Variants in HS3ST3B1 observed in about 807,000 individuals in gnomAD.
The protein encoded by HS3ST3B1 is heparan sulfate-glucosamine 3-sulfotransferase 3B1.
In HS3ST3B1, 13 loss-of-function variants were observed where a neutral mutation model predicts 21.3. The ratio of observed to expected loss-of-function variants is 0.61; its 90% CI spans 0.40 to 0.97. The LOEUF (loss-of-function observed/expected upper bound fraction) is 0.97. HS3ST3B1 is among the 50% of genes least tolerant of loss of function. HS3ST3B1 has a pLI of 0.00. For synonymous variants in HS3ST3B1, 234 were observed against 254.8 expected (o/e 0.92, Z 0.78); for missense variants, 459 against 554.8 (o/e 0.83, Z 1.73).
At chr17:14,328,085 C>T (rs944362447) in intron 1 of HS3ST3B1, 7 of 152,108 alleles carry the variant, frequency 4.6e-5, no homozygotes, top group African/African-American at 7.2e-5. Flanking sequence ...GGGAGATGAA[C>T]GGGAATGCTT....
chr17:14,333,919 C>A (rs764575189), intron 1 of HS3ST3B1, among the ~76,000 whole-genome samples: 2 of 152,212 alleles, frequency 1.3e-5, no homozygotes, highest in Non-Finnish European at 2.9e-5. Flanking sequence ...TGTGCCACCA[C>A]GACCAGCTAA....
chr17:14,343,330 T>G (rs1910448238), intron 1 of HS3ST3B1, among the ~76,000 whole-genome samples: 1 of 152,142 alleles, frequency 6.6e-6, no homozygotes, highest in African/African-American at 2.4e-5. Context: ...TTGTGTGTGG[T>G]AAGAAACTGG....
At chr17:14,338,406 G>A (rs1160239364) in intron 1 of HS3ST3B1, among the ~76,000 whole-genome samples, 1 of 151,584 alleles carries the variant, frequency 6.6e-6, no homozygotes, top group African/African-American at 2.4e-5. Flanking sequence ...TTACAGATGT[G>A]AGCCAACACG....
At chr17:14,332,462 G>A (rs1176589641) in intron 1 of HS3ST3B1, among the ~76,000 whole-genome samples, 2 of 151,780 alleles carry the variant, frequency 1.3e-5, no homozygotes, top group African/African-American at 4.8e-5. Flanking sequence ...TTGCTTCTTG[G>A]AAGCATCCTC....
intron 1 of HS3ST3B1, among the ~76,000 whole-genome samples, chr17:14,333,923 C>A (rs1189862044): frequency 6.6e-6 from 1 of 152,228 alleles, no homozygotes; most frequent in Non-Finnish European, 1.5e-5. Flanking sequence ...CCACCACGAC[C>A]AGCTAACGTT....
At chr17:14,310,306 G>C (rs1250306873) in intron 1 of HS3ST3B1, among the ~76,000 whole-genome samples, 1 of 152,026 alleles carries the variant, frequency 6.6e-6, no homozygotes, top group Non-Finnish European at 1.5e-5. Flanking sequence ...CCTAAGTCCT[G>C]TGCACAGAGC....
At chr17:14,334,073 C>A (rs551068138) in intron 1 of HS3ST3B1, among the ~76,000 whole-genome samples, 1 of 152,238 alleles carries the variant, frequency 6.6e-6, no homozygotes, top group Admixed American at 6.5e-5. Flanking sequence ...GGCTGAGAAC[C>A]TTTAAATATC....
In HS3ST3B1 at chr17:14,345,679, C is replaced by A. The variant is rs753168160; in HGVS notation, c.*33C>A. 5 of 1,596,820 alleles carry A rather than the reference C, an allele frequency of 3.1e-6. No homozygotes were observed. The highest frequency in any genetic ancestry group is 4.3e-6 in the Non-Finnish European group (5 of 1,169,222). On this transcript the variant is annotated 3_prime_UTR_variant, in exon 2 of 2. Transcript: ENST00000360954. Reference sequence around the variant, plus strand: ...CGGGCTATGTACCTTACCCACGTGGCTTATCTATTGACAGAGATTATATGT... The same window carrying A: ...CGGGCTATGTACCTTACCCACGTGGATTATCTATTGACAGAGATTATATGT...
chr17:14,315,070 A>G (rs944691683), intron 1 of HS3ST3B1, among the ~76,000 whole-genome samples: 2 of 152,180 alleles, frequency 1.3e-5, no homozygotes. Flanking sequence ...TTACTTTTTT[A>G]GTTCCCTAAC....
intron 1 of HS3ST3B1, among the ~76,000 whole-genome samples, chr17:14,302,375 C>G (rs980389954): frequency 1.3e-5 from 2 of 152,202 alleles, no homozygotes; most frequent in Non-Finnish European, 2.9e-5. Context: ...AGCGAGCCAC[C>G]CTCTAACCAT....
chr17:14,311,200 C>T (rs1380743965), intron 1 of HS3ST3B1, among the ~76,000 whole-genome samples: 1 of 145,828 alleles, frequency 6.9e-6, no homozygotes, highest in African/African-American at 2.6e-5. Flanking sequence ...TCCCGTGTAG[C>T]AGGGACTACA....
intron 1 of HS3ST3B1, among the ~76,000 whole-genome samples, chr17:14,309,767 A>G (rs935926516): frequency 1.3e-5 from 2 of 151,990 alleles, no homozygotes; most frequent in Non-Finnish European, 2.9e-5. Flanking sequence ...TGTTCTCCGA[A>G]TGTTCGGCTC....
intron 1 of HS3ST3B1, among the ~76,000 whole-genome samples, chr17:14,335,592 G>A (rs543471657): frequency 3.2e-4 from 48 of 152,168 alleles, no homozygotes; most frequent in African/African-American, 1.1e-3. Context: ...TACTCTGGAA[G>A]CTGAGGCAGG....
intron 1 of HS3ST3B1, among the ~76,000 whole-genome samples, chr17:14,325,548 C>T (rs1383632605): frequency 6.6e-6 from 1 of 152,144 alleles, no homozygotes; most frequent in Non-Finnish European, 1.5e-5. Context: ...ATATTGCTGT[C>T]TATATAATTT....
intron 1 of HS3ST3B1, among the ~76,000 whole-genome samples, chr17:14,325,016 G>GA (rs1162974310): frequency 6.6e-6 from 1 of 152,206 alleles, no homozygotes. Flanking sequence ...ATTGTCCTAA[G>GA]AAATGTACCC....
At chr17:14,335,609 G>A (rs1910162958) in intron 1 of HS3ST3B1, among the ~76,000 whole-genome samples, 1 of 151,980 alleles carries the variant, frequency 6.6e-6, no homozygotes, top group South Asian at 2.1e-4. Context: ...CAGGAGAATT[G>A]CTTGAACCGA....
chr17:14,321,687 G>A (rs1347054950), intron 1 of HS3ST3B1, among the ~76,000 whole-genome samples: 2 of 122,834 alleles, frequency 1.6e-5, no homozygotes, highest in Non-Finnish European at 3.6e-5. Flanking sequence ...TTCTTCCATA[G>A]AACACTGATG....
Position 14,341,231 on chromosome 17 carries a change from G to GC in HS3ST3B1, c.555-3797_555-3796insC, listed in dbSNP as rs557283086. On this transcript the variant is annotated intron_variant, in intron 1 of 1. Transcript: ENST00000360954. ...ACAAGCCCTTCTCTAGGGCCAGTGAGGAAATTCCGGCTGCAGAGTTCAGGG... is the reference window on the plus strand; with the variant it reads ...ACAAGCCCTTCTCTAGGGCCAGTGAGCGAAATTCCGGCTGCAGAGTTCAGGG... Among the ~76,000 whole-genome samples, 12 of 152,330 alleles carry GC rather than the reference G, an allele frequency of 7.9e-5. No homozygotes were observed. In the East Asian group the frequency reaches 2.1e-3, roughly 27 times the overall value.
intron 1 of HS3ST3B1, chr17:14,328,403 T>G (rs1909883173): frequency 6.6e-6 from 1 of 152,218 alleles, no homozygotes; most frequent in Non-Finnish European, 1.5e-5. Context: ...CTGCTGAAAG[T>G]TGATTCCGGG....
Sources: gnomAD v4.1 joint callset for allele counts (sites outside exome capture counted in the v4.1 genomes callset) on GRCh38, gnomAD v4.1.1 for gene constraint, MANE v1.5 for transcripts, NCBI Gene and HGNC (gene_info 2026-07-23, HGNC 2026-07-21) for gene names.